Variants in RBFOX3 observed in about 807,000 individuals in gnomAD.
The protein encoded by RBFOX3 is RNA binding protein fox-1 homolog 3.
A neutral mutation model predicts 48.7 loss-of-function variants in RBFOX3; 17 were observed. The ratio of observed to expected loss-of-function variants is 0.35; its 90% CI spans 0.24 to 0.52. RBFOX3 has a LOEUF of 0.52. Among genes scored for constraint, RBFOX3 ranks in the 20% least tolerant of loss-of-function variants. The pLI, the probability that RBFOX3 is intolerant of heterozygous loss-of-function variation, is 0.94. For synonymous variants in RBFOX3, 212 were observed against 209.5 expected (o/e 1.01, Z -0.10); for missense variants, 382 against 497.5 (o/e 0.77, Z 2.21).
At chr17:79,287,664 G>A (rs2072268840) in intron 3 of RBFOX3, among the ~76,000 whole-genome samples, 1 of 152,168 alleles carries the variant, frequency 6.6e-6, no homozygotes, top group Non-Finnish European at 1.5e-5. Flanking sequence ...ATCCTGAGGT[G>A]ACCTGTGCCC....
At chr17:79,191,850 C>T (rs2054590129) in intron 4 of RBFOX3, among the ~76,000 whole-genome samples, 1 of 152,162 alleles carries the variant, frequency 6.6e-6, no homozygotes, top group African/African-American at 2.4e-5. Flanking sequence ...AAGGAGAAGG[C>T]AGGGTTAGGC....
rs2064453294 is a variant in RBFOX3, at chr17:79,254,432, C to T, written c.-73-18627G>A. On this transcript the variant is annotated intron_variant, in intron 3 of 14. Coordinates refer to ENST00000693108, the MANE Select transcript of RBFOX3 (RefSeq NM_001350451.2). The surrounding 1 kb of genome is among the most constrained non-coding windows in gnomAD (Gnocchi z 4.8). Reference sequence around the variant, plus strand: ...ATCCAGGACACATGGCACCAGGGCCCAGCCTTGAGACCAACCAGCTGGACT... The same window carrying T: ...ATCCAGGACACATGGCACCAGGGCCTAGCCTTGAGACCAACCAGCTGGACT... Among the ~76,000 whole-genome samples, 1 of 152,216 alleles carries T rather than the reference C, an allele frequency of 6.6e-6. No individual in the cohort carries two copies. Among genetic ancestry groups the T allele is most frequent in the Middle Eastern group, 3.4e-3 (1 of 294 alleles).
At chr17:79,094,705 T>G (rs2074806338) in intron 13 of RBFOX3, among the ~76,000 whole-genome samples, 176 bp from the exon 14 acceptor site, 1 of 146,192 alleles carries the variant, frequency 6.8e-6, no homozygotes, top group African/African-American at 2.5e-5. Flanking sequence ...TCCTTCTTGT[T>G]AAGAAGGAAG....
At chr17:79,093,623 C>T (rs2074459568) in intron 14 of RBFOX3, among the ~76,000 whole-genome samples, 1 of 152,124 alleles carries the variant, frequency 6.6e-6, no homozygotes, top group Non-Finnish European at 1.5e-5. Flanking sequence ...CTCTGAACCT[C>T]CTCCCTCCTC....
At chr17:79,291,982 C>G (rs1600454877) in intron 3 of RBFOX3, among the ~76,000 whole-genome samples, 1 of 152,132 alleles carries the variant, frequency 6.6e-6, no homozygotes, top group African/African-American at 2.4e-5. Context: ...TAACTACAGC[C>G]AGCCTCCACC....
chr17:79,582,865 G>A (rs1402548416), intron 1 of RBFOX3, among the ~76,000 whole-genome samples: 1 of 149,186 alleles, frequency 6.7e-6, no homozygotes, highest in Non-Finnish European at 1.5e-5. Flanking sequence ...CTGTGTGATT[G>A]CCCATGGGAT....
At chr17:79,654,895 A>G in the RBFOX3 span, among the ~76,000 whole-genome samples, 102 of 152,330 alleles carry the variant, frequency 6.7e-4, no homozygotes, top group Middle Eastern at 3.4e-3. Flanking sequence ...GGCTGCTTCC[A>G]CAAAGCGAGC....
intron 4 of RBFOX3, among the ~76,000 whole-genome samples, chr17:79,138,734 CACACAGCACGTGTTCACA>C (rs2041057503): frequency 4.5e-5 from 5 of 110,954 alleles, no homozygotes; most frequent in Admixed American, 1.0e-4. Context: ...CACACGCATG[CACACAGCACGTGTTCACA>C]CCACCATCCA....
intron 1 of RBFOX3, among the ~76,000 whole-genome samples, chr17:79,578,811 A>T (rs1427953517): frequency 6.6e-6 from 1 of 152,242 alleles, no homozygotes; most frequent in Non-Finnish European, 1.5e-5. Context: ...AGCACAGCAG[A>T]TCATTCCAGA....
chr17:79,241,565 A>G (rs1218431494), intron 3 of RBFOX3, among the ~76,000 whole-genome samples: 3 of 152,178 alleles, frequency 2.0e-5, no homozygotes, highest in South Asian at 2.1e-4. Context: ...GTGCTGAGGA[A>G]GGTTCCACTG....
intron 2 of RBFOX3, among the ~76,000 whole-genome samples, chr17:79,413,587 T>TGGAGACTCTGAAGCCAGTGGGAA (rs1182001888): frequency 6.6e-6 from 1 of 152,224 alleles, no homozygotes; most frequent in African/African-American, 2.4e-5. Flanking sequence ...ACCTGGAGCG[T>TGGAGACTCTGAAGCCAGTGGGAA]GGAGACTCTG....
At position 79,390,201 on chromosome 17, in the gene RBFOX3, G is replaced by A. The variant is rs2061205141; in HGVS notation, c.-174-82377C>T. ...TTCTGAGGTGTCCAACCTCCGGGAC[G>A]CTGCACTGACTTTCAAGTGCCCAGA... On this transcript the variant is annotated intron_variant, in intron 2 of 14. Transcript: ENST00000693108. The surrounding 1 kb of genome is among the most constrained non-coding windows in gnomAD (Gnocchi z 4.2). Among the ~76,000 whole-genome samples, 1 of 152,252 alleles carries A rather than the reference G, an allele frequency of 6.6e-6. No homozygotes were observed. Among genetic ancestry groups the A allele is most frequent in the Admixed American group, 6.5e-5 (1 of 15,290 alleles).
At chr17:79,414,695 G>C (rs771427598) in intron 2 of RBFOX3, among the ~76,000 whole-genome samples, 12 of 152,238 alleles carry the variant, frequency 7.9e-5, no homozygotes, top group Non-Finnish European at 1.8e-4. Context: ...GCTGTGTGGG[G>C]TAAGCAGCAG....
At chr17:79,417,836 C>T (rs1555719951) in intron 2 of RBFOX3, among the ~76,000 whole-genome samples, 1 of 152,292 alleles carries the variant, frequency 6.6e-6, no homozygotes, top group Middle Eastern at 3.4e-3. Context: ...CACGGATGGA[C>T]GAATGGAGAA....
Position 79,204,449 on chromosome 17 carries a change from G to A in RBFOX3, c.-34+31317C>T, listed in dbSNP as rs964634483. 2.0e-5 allele frequency among the ~76,000 whole-genome samples: 3 copies of A among 152,164 alleles called. No homozygotes were observed. The highest frequency in any genetic ancestry group is 2.1e-4 in the South Asian group (1 of 4,828). On this transcript the variant is annotated intron_variant, in intron 4 of 14. Transcript: ENST00000693108. The surrounding 1 kb of genome is among the most constrained non-coding windows in gnomAD (Gnocchi z 4.5). ...GGGCTTAATATCCTGGAAAGGACAC[G>A]CGTACCAGTCCAGTGAACAGCTCCT...
At position 79,473,502 on chromosome 17, in the gene RBFOX3, T is replaced by C. The variant is rs2077303463; in HGVS notation, c.-175+8952A>G. ...GCCTGATGGATTTCCAGGCCTTGCA[T>C]ACTGTTCTGGACACTCCAGGCACAC... On this transcript the variant is annotated intron_variant, in intron 2 of 14. Coordinates refer to ENST00000693108, the MANE Select transcript of RBFOX3 (RefSeq NM_001350451.2). This position sits in a 1 kb window ranked among gnomAD's most constrained non-coding sequence, Gnocchi z 4.2. Among the ~76,000 whole-genome samples, 1 of 152,238 alleles carries C rather than the reference T, an allele frequency of 6.6e-6. No individual in the cohort carries two copies. Among genetic ancestry groups the C allele is most frequent in the Non-Finnish European group, 1.5e-5 (1 of 68,046 alleles).
intron 1 of RBFOX3, among the ~76,000 whole-genome samples, chr17:79,488,336 G>A (rs954620601): frequency 7.3e-5 from 8 of 109,288 alleles, no homozygotes; most frequent in South Asian, 4.0e-4. Flanking sequence ...GAGTTGAGGC[G>A]GAGCCCCCCA....
Position 79,577,335 on chromosome 17 carries a change from G to A in RBFOX3, c.-320+33491C>T, listed in dbSNP as rs975439830. ...GTCAGGCACCATGAACGGGGCAAATGGCACCCTCCATGGGGAAGCAACGAG... is the reference window on the plus strand; with the variant it reads ...GTCAGGCACCATGAACGGGGCAAATAGCACCCTCCATGGGGAAGCAACGAG... On this transcript the variant is annotated intron_variant, in intron 1 of 14. Coordinates refer to ENST00000693108, the MANE Select transcript of RBFOX3 (RefSeq NM_001350451.2). Among the ~76,000 whole-genome samples, 240 of 152,280 alleles carry A rather than the reference G, an allele frequency of 1.6e-3. 2 individuals carry two copies. Among genetic ancestry groups the A allele is most frequent in the African/African-American group, 5.5e-3 (227 of 41,554 alleles).
chr17:79,317,863 C>A (rs1021175107), intron 2 of RBFOX3, among the ~76,000 whole-genome samples: 1 of 152,146 alleles, frequency 6.6e-6, no homozygotes, highest in African/African-American at 2.4e-5. Context: ...ATCTGGCTGG[C>A]AAATCTTGTT....
Sources: allele counts gnomAD v4.1 joint callset (sites outside exome capture counted in the v4.1 genomes callset), GRCh38; gene constraint gnomAD v4.1.1; non-coding constraint Gnocchi (gnomAD v3.1); transcripts MANE v1.5; gene names NCBI Gene and HGNC (gene_info 2026-07-23, HGNC 2026-07-21).